Variants in DNAH11 observed in about 807,000 individuals in gnomAD.
DNAH11 encodes the protein axonemal beta dynein heavy chain 11.
A neutral mutation model predicts 526.0 loss-of-function variants in DNAH11; 442 were observed. That is an observed-to-expected ratio of 0.84 (90% CI 0.78 to 0.91). The LOEUF is 0.91. Among genes scored for constraint, DNAH11 ranks in the 40% least tolerant of loss-of-function variants. The pLI, the probability that DNAH11 is intolerant of heterozygous loss-of-function variation, is 0.00. For synonymous variants in DNAH11, 2,461 were observed against 1,935.9 expected, an observed-to-expected ratio of 1.27 and a Z score of -7.12; for missense variants, 6,989 against 5,448.7, an observed-to-expected ratio of 1.28 and a Z score of -8.90.
intron 54 of DNAH11, among the ~76,000 whole-genome samples, chr7:21,750,971 G>C (rs1786387752): frequency 6.6e-6 from 1 of 152,150 alleles, no homozygotes; most frequent in Non-Finnish European, 1.5e-5. Context: ...AGTGAGGAGA[G>C]TTTTGAATTA....
chr7:21,622,360 A>G (rs936129318), intron 25 of DNAH11, among the ~76,000 whole-genome samples: 13 of 152,296 alleles, frequency 8.5e-5, no homozygotes, highest in Middle Eastern at 6.8e-3. Flanking sequence ...CTCATGGGTA[A>G]GAAGAATCAA....
chr7:21,748,483 C>T (rs1281889473), intron 51 of DNAH11, 97 bp from the exon 52 acceptor site: 16 of 1,259,666 alleles, frequency 1.3e-5, no homozygotes, highest in African/African-American at 3.1e-5. Flanking sequence ...AGCAAGTCTC[C>T]ATCTCAAAAG....
intron 65 of DNAH11, among the ~76,000 whole-genome samples, chr7:21,824,403 C>CAT (rs1790186643): frequency 6.6e-6 from 1 of 151,940 alleles, no homozygotes. Context: ...ACAGACAGGA[C>CAT]ATAGTAAATA....
At chr7:21,737,588 T>C (rs898649399) in intron 46 of DNAH11, among the ~76,000 whole-genome samples, 1 of 152,160 alleles carries the variant, frequency 6.6e-6, no homozygotes, top group Non-Finnish European at 1.5e-5. Flanking sequence ...GAGCTATATG[T>C]AATGTGACCC....
chr7:21,691,175 T>C (rs919371098), intron 35 of DNAH11, among the ~76,000 whole-genome samples: 2 of 72,358 alleles, frequency 2.8e-5, no homozygotes, highest in Non-Finnish European at 2.1e-5. Flanking sequence ...TAATTTTTTT[T>C]TTCTTTTTTT....
chr7:21,556,126 C>A (rs62441667), intron 2 of DNAH11, among the ~76,000 whole-genome samples: 19 of 152,168 alleles, frequency 1.2e-4, no homozygotes, highest in Middle Eastern at 3.4e-3. Context: ...GTTTCATTAT[C>A]CCCCTTATAA....
rs774225092 is a variant in DNAH11, at chr7:21,589,204, A to G, written c.1974-4A>G. On this transcript the variant is annotated splice_region_variant and splice_polypyrimidine_tract_variant and intron_variant, in intron 11 of 81. Transcript: ENST00000409508. The stretch of plus-strand genomic sequence containing the variant: ...AAACCAGTAGAAAAACCTTATTCCT[A>G]CAGATTTTTGGGCAATCCTGATCAC... 18 of 1,589,524 alleles carry G rather than the reference A, an allele frequency of 1.1e-5. No individual in the cohort carries two copies. The highest frequency in any genetic ancestry group is 1.4e-5 in the African/African-American group (1 of 73,480).
intron 71 of DNAH11, among the ~76,000 whole-genome samples, chr7:21,867,099 C>T (rs1490499942): frequency 6.6e-6 from 1 of 152,208 alleles, no homozygotes; most frequent in Non-Finnish European, 1.5e-5. Context: ...TATAACTTTA[C>T]AACCAATGCA....
At chr7:21,655,774 T>A in intron 28 of DNAH11, 58 bp from the exon 29 acceptor site, 1 of 1,517,374 alleles carries the variant, frequency 6.6e-7, no homozygotes, top group Non-Finnish European at 9.0e-7. Context: ...ATCTCTAGAT[T>A]ATCAGAATAT....
rs1785931346 is a variant in DNAH11, at chr7:21,742,087, CAA to C, written c.8076_8077del (p.Met2693AspfsTer3). On this transcript the variant is annotated frameshift_variant, in exon 49 of 82. Transcript: ENST00000409508. LOFTEE classifies it high-confidence loss of function. ...CAGGCAACAATAGCATTCCATCAGACAATGATGTGTAACTTTTTACCCACGGC... is the reference window on the plus strand; with the variant it reads ...CAGGCAACAATAGCATTCCATCAGACTGATGTGTAACTTTTTACCCACGGC... 6.2e-7 allele frequency: 1 copy of C among 1,613,812 alleles called. No homozygotes were observed.
At chr7:21,878,990 C>A (rs1326210610) in intron 74 of DNAH11, among the ~76,000 whole-genome samples, 2 of 152,214 alleles carry the variant, frequency 1.3e-5, no homozygotes, top group South Asian at 2.1e-4. Flanking sequence ...TAGTCCTCAA[C>A]TTCCTTTCCT....
rs570769957 is a variant in DNAH11 at position 21,577,536 on chromosome 7, T to C, written c.1594-4369T>C. Among the ~76,000 whole-genome samples the C allele has an allele frequency of 1.3e-3, 202 of 152,244 alleles. 2 individuals carry two copies. The Middle Eastern group carries it at 0.014, about 10-fold the overall frequency. On this transcript the variant is annotated intron_variant, in intron 8 of 81. Coordinates refer to ENST00000409508, the MANE Select transcript of DNAH11 (RefSeq NM_001277115.2). Reference sequence around the variant, plus strand: ...CAAACCTGATGGAGAGTCCAGACTATCACCCTGAGGCCAAGTGGTAACAAG... The same window carrying C: ...CAAACCTGATGGAGAGTCCAGACTACCACCCTGAGGCCAAGTGGTAACAAG...
intron 33 of DNAH11, 32 bp downstream of exon 33, chr7:21,687,287 T>G (rs1253730318): frequency 1.3e-6 from 2 of 1,555,582 alleles, no homozygotes; most frequent in Admixed American, 2.0e-5. Context: ...GTGTAAAACT[T>G]TATTCTCTAA....
chr7:21,696,322 CTTATT>C (rs1184418326), intron 35 of DNAH11, among the ~76,000 whole-genome samples: 1 of 152,044 alleles, frequency 6.6e-6, no homozygotes, highest in Non-Finnish European at 1.5e-5. Context: ...CTGATGAGAA[CTTATT>C]TTAGTTGGTA....
intron 68 of DNAH11, among the ~76,000 whole-genome samples, chr7:21,855,029 ATTTTT>A (rs61635369): frequency 2.6e-5 from 3 of 114,572 alleles, no homozygotes; most frequent in Non-Finnish European, 5.4e-5. Context: ...CAGTCTCTTA[ATTTTT>A]TTTTTTTTTT....
chr7:21,617,514 C>G, intron 22 of DNAH11, 105 bp from the exon 23 acceptor site: 1 of 1,342,466 alleles, frequency 7.4e-7, no homozygotes, highest in African/African-American at 1.5e-5. Flanking sequence ...TGCTTTCACT[C>G]TTTTCTAATC....
intron 63 of DNAH11, among the ~76,000 whole-genome samples, chr7:21,809,179 T>A (rs545213956): frequency 6.6e-6 from 1 of 152,294 alleles, no homozygotes; most frequent in African/African-American, 2.4e-5. Context: ...TTTGTACATC[T>A]TCTTCTGAGA....
chr7:21,872,123 CAAAAAAAAAAA>C (rs776718319), intron 73 of DNAH11, among the ~76,000 whole-genome samples: 2 of 30,822 alleles, frequency 6.5e-5, no homozygotes, highest in East Asian at 1.0e-3. Context: ...GACTCTGTCT[CAAAAAAAAAAA>C]AAAAAAAAAA....
At chr7:21,802,889 G>A (rs1219785945) in intron 62 of DNAH11, among the ~76,000 whole-genome samples, 5 of 151,494 alleles carry the variant, frequency 3.3e-5, no homozygotes, top group African/African-American at 1.2e-4. Context: ...TCTCTTTGGG[G>A]TGAGAGAAAT....
Sources: gnomAD v4.1 joint callset for allele counts (sites outside exome capture counted in the v4.1 genomes callset) on GRCh38, gnomAD v4.1.1 for gene constraint, MANE v1.5 for transcripts, NCBI Gene and HGNC (gene_info 2026-07-23, HGNC 2026-07-21) for gene names.